The following PSD4 variants were observed in gnomAD, a reference collection of about 807,000 sequenced individuals.
PSD4 encodes the protein PH and SEC7 domain-containing protein 4.
Under a neutral mutation model 112.5 loss-of-function variants are expected in PSD4, and 59 were observed. The ratio of observed to expected loss-of-function variants is 0.52; its 90% CI spans 0.43 to 0.65. The LOEUF (loss-of-function observed/expected upper bound fraction) is 0.65. Ranked by LOEUF, PSD4 falls within the 30% of genes least tolerant of loss-of-function variation. The probability of loss-of-function intolerance (pLI) is 0.00; values close to 1 mark genes in which losing one functional copy is unlikely to be tolerated. For missense variants in PSD4, 1,267 were observed against 1,352.6 expected (o/e 0.94, Z 0.99); for synonymous variants, 533 against 540.0 (o/e 0.99, Z 0.18).
intron 1 of PSD4, among the ~76,000 whole-genome samples, chr2:113,174,809 A>G (rs531032768): frequency 6.6e-6 from 1 of 152,326 alleles, no homozygotes; most frequent in African/African-American, 2.4e-5. Flanking sequence ...ATGGAGGGAA[A>G]GTCCCCTGAC....
rs906529951 is a variant in PSD4 at position 113,193,046 on chromosome 2, A to G, written c.1839-2A>G. The G allele has an allele frequency of 3.7e-6, 6 of 1,613,878 alleles. No individual in the cohort carries two copies. The highest frequency in any genetic ancestry group is 5.1e-6 in the Non-Finnish European group (6 of 1,179,726). On this transcript the variant is annotated splice_acceptor_variant, in intron 6 of 16. Transcript: ENST00000245796. LOFTEE classifies it high-confidence loss of function. ...GACTCCATGCCCCTTTTCCCTCTGCAGCAATGACTTTAGCAGGGCTGTGGC... is the reference window on the plus strand; with the variant it reads ...GACTCCATGCCCCTTTTCCCTCTGCGGCAATGACTTTAGCAGGGCTGTGGC...
chr2:113,196,044 G>A, intron 11 of PSD4, 103 bp from the exon 12 acceptor site: 2 of 1,419,806 alleles, frequency 1.4e-6, no homozygotes, highest in Non-Finnish European at 1.9e-6. Context: ...CTGGGGTGTG[G>A]CTTCCCAGGA....
intron 5 of PSD4, among the ~76,000 whole-genome samples, chr2:113,190,218 A>T (rs1231796560): frequency 6.6e-6 from 1 of 152,106 alleles, no homozygotes; most frequent in Non-Finnish European, 1.5e-5. Flanking sequence ...ATCCAGTGTC[A>T]TTCTCCTTCT....
At position 113,198,770 on chromosome 2, in the gene PSD4, G is replaced by A. The variant is rs1472885735; in HGVS notation, c.2655G>A (p.Ala885=). 1.3e-6 allele frequency: 2 copies of A among 1,580,526 alleles called. No homozygotes were observed. The highest frequency in any genetic ancestry group is 2.2e-5 in the South Asian group (2 of 89,584). ...PTAKEMSSWI[A]RINLAAATHS... ...CCAAGGAGATGAGCTCCTGGATCGC[G>A]CGCATCAACTTGGCTGCGGCCACGC... The change falls in exon 15 of 17, where the codon GCG becomes GCA. Residue 885 remains alanine (A), a synonymous_variant. Coordinates refer to ENST00000245796, the MANE Select transcript of PSD4 (RefSeq NM_012455.3).
At position 113,185,865 on chromosome 2, in the gene PSD4, G is replaced by A. The variant is rs1331233698; in HGVS notation, c.1250-12G>A. ...CTGCCCTGTGCCCGCCTCACTTCATGTTCTTCCTCAGATGAGAGGGAGGGT... is the reference window on the plus strand; with the variant it reads ...CTGCCCTGTGCCCGCCTCACTTCATATTCTTCCTCAGATGAGAGGGAGGGT... On this transcript the variant is annotated splice_polypyrimidine_tract_variant and intron_variant, in intron 4 of 16. Transcript: ENST00000245796. 3.1e-6 allele frequency: 5 copies of A among 1,605,984 alleles called. No individual in the cohort carries two copies. Among genetic ancestry groups the A allele is most frequent in the Non-Finnish European group, 4.3e-6 (5 of 1,176,268 alleles).
chr2:113,188,603 T>C (rs891021350), intron 5 of PSD4, among the ~76,000 whole-genome samples: 3 of 151,442 alleles, frequency 2.0e-5, no homozygotes, highest in Admixed American at 6.6e-5. Context: ...TTTTTTGAGA[T>C]GGAGTCTCAC....
chr2:113,206,760 C>G lies in PSD4; in HGVS notation c.*5345C>G, dbSNP rs1274221759. 6.6e-6 allele frequency: 1 copy of G among 152,296 alleles called. No homozygotes were observed. Among genetic ancestry groups the G allele is most frequent in the African/African-American group, 2.4e-5 (1 of 41,440 alleles). The allele number at this position is 152,296 out of a possible 1,614,324, so 9.4% of individuals were successfully genotyped here. A position where few individuals can be genotyped will look rare whatever the true frequency, so the allele number is the denominator to read the frequency against. The stretch of plus-strand genomic sequence containing the variant: ...CCTCACCAGACTTACCCCACGTCTG[C>G]TCCCCTCCTCCTTTGGGCTCTGGCT... On this transcript the variant is annotated 3_prime_UTR_variant, in exon 17 of 17. Coordinates refer to ENST00000245796, the MANE Select transcript of PSD4 (RefSeq NM_012455.3).
rs543151587 is a variant in PSD4, at chr2:113,194,845, A to T, written c.2182-882A>T. The stretch of plus-strand genomic sequence containing the variant: ...ATGTATGCAGTTCATCCTTGACTGA[A>T]CCATCATGATGCTGTTATATGGTAC... On this transcript the variant is annotated intron_variant, in intron 10 of 16. Coordinates refer to ENST00000245796, the MANE Select transcript of PSD4 (RefSeq NM_012455.3). Among the ~76,000 whole-genome samples the T allele has an allele frequency of 4.6e-5, 7 of 152,366 alleles. No individual in the cohort carries two copies. In the South Asian group the frequency reaches 1.4e-3, roughly 32 times the overall value.
At chr2:113,176,202 GA>G (rs1404211813) in intron 1 of PSD4, among the ~76,000 whole-genome samples, 4 of 152,232 alleles carry the variant, frequency 2.6e-5, no homozygotes, top group African/African-American at 9.6e-5. Flanking sequence ...GGCTGAGGGT[GA>G]AAAACAAACT....
In PSD4 at chr2:113,183,077, G is replaced by A. The variant is rs769803386; in HGVS notation, c.621G>A (p.Glu207=). Residue 207 remains glutamate (E), a synonymous_variant, in exon 2 of 17, where the codon GAG becomes GAA. Transcript: ENST00000245796. The part of the protein sequence containing the change: ...GDTGLHSSPP[E]NEDSGEDSSE... ...CGGGCCTGCACTCCAGCCCACCTGA[G>A]AATGAAGACTCAGGGGAAGACAGCA... is the stretch of plus-strand genomic sequence containing the variant. 8.1e-6 allele frequency: 13 copies of A among 1,612,924 alleles called. No homozygotes were observed. Among genetic ancestry groups the A allele is most frequent in the South Asian group, 2.2e-5 (2 of 91,006 alleles).
chr2:113,200,186 A>G (rs188789295), intron 16 of PSD4, among the ~76,000 whole-genome samples: 2 of 151,930 alleles, frequency 1.3e-5, no homozygotes, highest in East Asian at 3.9e-4. Context: ...GTCTCCCCCA[A>G]CCCTCACCCA....
At position 113,186,003 on chromosome 2, in the gene PSD4, G is replaced by A. The variant is rs771411646; in HGVS notation, c.1376G>A (p.Arg459Lys). The A allele has an allele frequency of 1.2e-5, 19 of 1,614,064 alleles. No individual in the cohort carries two copies. In the Admixed American group the frequency reaches 2.5e-4, roughly 21 times the overall value. The change falls in exon 5 of 17, where the codon AGG becomes AAG. Residue 459 changes from arginine to lysine, a missense_variant. Physicochemically the swap from Arg to Lys is conservative, Grantham distance 26 (BLOSUM62 2). Around this residue, in one of 2 missense-constraint regions of PSD4, gnomAD observed 723 missense variants for 704.0 expected, o/e 1.03. Coordinates refer to ENST00000245796, the MANE Select transcript of PSD4 (RefSeq NM_012455.3). The part of the protein sequence containing the change: ...PESESRGPGP[R>K]PSPASSQEGS... ...TCTGAGAGCAGAGGCCCTGGTCCCA[G>A]GCCCAGCCCTGCATCGTCCCAGGAG...
chr2:113,189,267 G>T (rs919800248), intron 5 of PSD4, among the ~76,000 whole-genome samples: 3 of 150,346 alleles, frequency 2.0e-5, no homozygotes, highest in African/African-American at 7.4e-5. Flanking sequence ...AAGTAGTATT[G>T]AATCATATAT....
chr2:113,195,984 T>G (rs1688597756), intron 11 of PSD4, among the ~76,000 whole-genome samples, 163 bp from the exon 12 acceptor site: 1 of 152,016 alleles, frequency 6.6e-6, no homozygotes, highest in Non-Finnish European at 1.5e-5. Flanking sequence ...ATGGCAGAAT[T>G]TTCAGGAATT....
chr2:113,199,726 G>A (rs1162997270), intron 16 of PSD4, among the ~76,000 whole-genome samples: 3 of 152,170 alleles, frequency 2.0e-5, no homozygotes, highest in Non-Finnish European at 4.4e-5. Context: ...AGGAAACTGA[G>A]GCACAGAGAA....
Position 113,193,519 on chromosome 2 carries a change from C to T in PSD4, c.2033-73C>T, listed in dbSNP as rs562431611. ...TTCCAGGGGTTATTCGGTTACCCCA[C>T]GCAGTGTGGGCAGAGGAAACAGGAG... On this transcript the variant is annotated intron_variant, in intron 8 of 16. Coordinates refer to ENST00000245796, the MANE Select transcript of PSD4 (RefSeq NM_012455.3). 7.2e-5 allele frequency: 111 copies of T among 1,532,102 alleles called. 2 individuals carry two copies. The South Asian group carries it at 7.6e-4, about 11-fold the overall frequency. The allele number at this position is 1,532,102 out of a possible 1,614,324, so 94.9% of individuals were successfully genotyped here.
chr2:113,197,858 C>A lies in PSD4; in HGVS notation c.2569C>A (p.Pro857Thr). The A allele has an allele frequency of 4.4e-6, 7 of 1,608,584 alleles. No homozygotes were observed. Among genetic ancestry groups the A allele is most frequent in the East Asian group, 2.2e-5 (1 of 44,746 alleles). ...CCCCGCCACGCATTACACCAAGAAGCCGCACGTCTTCCAGCTGCGCACGGC... is the reference window on the plus strand; with the variant it reads ...CCCCGCCACGCATTACACCAAGAAGACGCACGTCTTCCAGCTGCGCACGGC... ...ATPATHYTKK[P>T]HVFQLRTADW... Residue 857 changes from proline to threonine, a missense_variant, in exon 14 of 17, where the codon CCG becomes ACG. Physicochemically the swap from Pro to Thr is conservative, Grantham distance 38. Around this residue, in one of 2 missense-constraint regions of PSD4, gnomAD observed 544 missense variants for 648.6 expected, o/e 0.84. Coordinates refer to ENST00000245796, the MANE Select transcript of PSD4 (RefSeq NM_012455.3).
At position 113,183,418 on chromosome 2, in the gene PSD4, C is replaced by A; in HGVS notation, c.962C>A (p.Pro321His). Residue 321 changes from proline (P) to histidine (H), a missense_variant, in exon 2 of 17, where the codon CCT becomes CAT. This residue lies in a region of PSD4 where 723 missense variants were observed against 704.0 expected (regional missense o/e 1.03). Coordinates refer to ENST00000245796, the MANE Select transcript of PSD4 (RefSeq NM_012455.3). The part of the protein sequence containing the change: ...AISGHCTPPF[P>H]VPIYKPHSIC... ...AGTGGGCATTGTACCCCTCCATTCC[C>A]TGTGCCCATCTATAAACCACACTCC... 6.4e-7 allele frequency: 1 copy of A among 1,573,906 alleles called. No homozygotes were observed. The highest frequency in any genetic ancestry group is 8.6e-7 in the Non-Finnish European group (1 of 1,161,280).
chr2:113,185,636 C>T lies in PSD4; in HGVS notation c.1249+196C>T, dbSNP rs1480376799. 5 of 1,547,848 alleles carry T rather than the reference C, an allele frequency of 3.2e-6. No individual in the cohort carries two copies. In the African/African-American group the frequency reaches 5.5e-5, roughly 17 times the overall value. On this transcript the variant is annotated intron_variant, in intron 4 of 16. Transcript: ENST00000245796. ...GAAACGTACAAAAGGACCAGCATTT[C>T]TTACCGCTGGGTCTTAATGGTTTAG...
Sources: gnomAD v4.1 joint callset for allele counts (sites outside exome capture counted in the v4.1 genomes callset) on GRCh38, gnomAD v4.1.1 for gene constraint, gnomAD v4.1.1 regional missense constraint, MANE v1.5 for transcripts, NCBI Gene and HGNC (gene_info 2026-07-23, HGNC 2026-07-21) for gene names.